Variants in TOPAZ1 observed in about 807,000 individuals in gnomAD.
TOPAZ1 encodes the protein protein TOPAZ1.
Under a neutral mutation model 172.2 loss-of-function variants are expected in TOPAZ1, and 66 were observed. The ratio of observed to expected loss-of-function variants is 0.38; its 90% CI spans 0.31 to 0.47. TOPAZ1 has a LOEUF of 0.47. Ranked by LOEUF, TOPAZ1 falls within the 20% of genes least tolerant of loss-of-function variation. The probability of loss-of-function intolerance (pLI) is 0.99; values close to 1 mark genes in which losing one functional copy is unlikely to be tolerated. For missense variants in TOPAZ1, 1,822 were observed against 1,972.4 expected, an observed-to-expected ratio of 0.92 and a Z score of 1.44; for synonymous variants, 681 against 683.9, an observed-to-expected ratio of 1.00 and a Z score of 0.07.
At chr3:44,283,456 C>T (rs1700044099) in intron 9 of TOPAZ1, among the ~76,000 whole-genome samples, 2 of 152,206 alleles carry the variant, frequency 1.3e-5, no homozygotes, top group Admixed American at 1.3e-4. Context: ...TACTCAGGCT[C>T]TACAGAGAGG....
At chr3:44,275,278 T>G (rs1208933844) in intron 8 of TOPAZ1, among the ~76,000 whole-genome samples, 1 of 152,004 alleles carries the variant, frequency 6.6e-6, no homozygotes, top group Non-Finnish European at 1.5e-5. Context: ...CATCCTACAC[T>G]GCTATCAAAC....
rs1699481698 is a variant in TOPAZ1 at position 44,241,997 on chromosome 3, G to A, written c.-57G>A. On this transcript the variant is annotated 5_prime_UTR_variant, in exon 1 of 20. Coordinates refer to ENST00000309765, the MANE Select transcript of TOPAZ1 (RefSeq NM_001145030.2). ...TCCAGGCGGGAGCAGCGTTTGCACC[G>A]CGGTGGGTTCCTGCGAGCTGGTGCA... 5 of 1,483,368 alleles carry A rather than the reference G, an allele frequency of 3.4e-6. No homozygotes were observed. Among genetic ancestry groups the A allele is most frequent in the East Asian group, 2.5e-5 (1 of 40,396 alleles). 91.9% of individuals were successfully genotyped at this position (1,483,368 alleles called of 1,614,324 possible).
intron 9 of TOPAZ1, among the ~76,000 whole-genome samples, chr3:44,285,241 T>C (rs563685260): frequency 9.2e-5 from 14 of 152,220 alleles, no homozygotes; most frequent in African/African-American, 3.1e-4. Context: ...GGTGGGTGGA[T>C]TGCTTGAGCC....
chr3:44,332,922 C>T (rs1575223105), downstream of TOPAZ1, among the ~76,000 whole-genome samples: 2 of 151,862 alleles, frequency 1.3e-5, no homozygotes, highest in East Asian at 3.9e-4. Flanking sequence ...TCTCAGCCTC[C>T]CATGTAGCTG....
intron 12 of TOPAZ1, among the ~76,000 whole-genome samples, chr3:44,302,641 G>T (rs563964278): frequency 2.0e-5 from 3 of 152,032 alleles, no homozygotes; most frequent in Non-Finnish European, 4.4e-5. Flanking sequence ...TAGTTTTTCA[G>T]TGTTTTCCTG....
At chr3:44,280,199 C>G (rs1468540532) in intron 8 of TOPAZ1, among the ~76,000 whole-genome samples, 1 of 151,714 alleles carries the variant, frequency 6.6e-6, no homozygotes, top group Non-Finnish European at 1.5e-5. Flanking sequence ...CTCTCCTGGT[C>G]TGTAAGGTTT....
chr3:44,272,376 A>G (rs1313404851), intron 8 of TOPAZ1, among the ~76,000 whole-genome samples: 1 of 152,154 alleles, frequency 6.6e-6, no homozygotes, highest in Admixed American at 6.5e-5. Context: ...GTATACAAAG[A>G]TTCCCTTTTC....
chr3:44,333,517 A>T (rs1042404169), downstream of TOPAZ1, among the ~76,000 whole-genome samples: 2 of 152,216 alleles, frequency 1.3e-5, no homozygotes, highest in Admixed American at 1.3e-4. Flanking sequence ...TTAGAGAAAT[A>T]TGTGACCACT....
At chr3:44,297,220 C>T (rs904486757) in intron 12 of TOPAZ1, among the ~76,000 whole-genome samples, 3 of 151,622 alleles carry the variant, frequency 2.0e-5, no homozygotes, top group African/African-American at 7.3e-5. Flanking sequence ...TATTATCTCT[C>T]CTGAGCTTTG....
At chr3:44,309,714 C>G in intron 15 of TOPAZ1, 111 bp from the exon 16 acceptor site, 1 of 758,064 alleles carries the variant, frequency 1.3e-6, no homozygotes. Context: ...TAACAGCCAG[C>G]AGTCTAGGAT....
rs1575735785 is a variant in TOPAZ1 at position 44,323,229 on chromosome 3, C to T, written c.4609C>T (p.Leu1537Phe). The T allele has an allele frequency of 6.4e-7, 1 of 1,550,680 alleles. No individual in the cohort carries two copies. Among genetic ancestry groups the T allele is most frequent in the East Asian group, 2.5e-5 (1 of 40,810 alleles). ...GAGCATCCCTATTGATTTTTCCTTT[C>T]TCAGAAGATTAATTACTTCTTTAGG... is the stretch of plus-strand genomic sequence containing the variant. ...SKSIPIDFSFLRRLITSLGRS... is the reference protein window; with the variant it reads ...SKSIPIDFSFFRRLITSLGRS... The change falls in exon 18 of 20, where the codon CTC becomes TTC. Residue 1537 changes from leucine (L) to phenylalanine (F), a missense_variant. By Grantham distance (22) the Leu-to-Phe change is conservative. This residue lies in a region of TOPAZ1 where 333 missense variants were observed against 481.7 expected (regional missense o/e 0.69). Coordinates refer to ENST00000309765, the MANE Select transcript of TOPAZ1 (RefSeq NM_001145030.2).
chr3:44,245,616 A>T (rs1699555968), intron 2 of TOPAZ1, among the ~76,000 whole-genome samples: 1 of 142,178 alleles, frequency 7.0e-6, no homozygotes, highest in Non-Finnish European at 1.5e-5. Flanking sequence ...AGCTCACTGC[A>T]AGCTCTGCCT....
intron 16 of TOPAZ1, 87 bp from the exon 17 acceptor site, chr3:44,320,938 CAA>C (rs1700500397): frequency 1.1e-6 from 1 of 883,920 alleles, no homozygotes; most frequent in Non-Finnish European, 1.7e-6. Context: ...CCTGTTTCTT[CAA>C]AAGATATATT....
intron 4 of TOPAZ1, among the ~76,000 whole-genome samples, chr3:44,260,142 C>G (rs1699759411): frequency 6.6e-6 from 1 of 152,178 alleles, no homozygotes; most frequent in African/African-American, 2.4e-5. Flanking sequence ...TTTCCTGAGG[C>G]CTCCCCAGCC....
At chr3:44,260,850 G>C (rs948226925) in intron 4 of TOPAZ1, among the ~76,000 whole-genome samples, 1 of 152,048 alleles carries the variant, frequency 6.6e-6, no homozygotes, top group Non-Finnish European at 1.5e-5. Context: ...CATATGGTGA[G>C]TTAGGAGCAC....
chr3:44,257,761 T>C (rs1013016070), intron 4 of TOPAZ1, among the ~76,000 whole-genome samples: 1 of 152,116 alleles, frequency 6.6e-6, no homozygotes, highest in African/African-American at 2.4e-5. Context: ...AGCAGGAATT[T>C]GATATTGATA....
At chr3:44,328,950 C>T (rs1700633468) in intron 19 of TOPAZ1, among the ~76,000 whole-genome samples, 1 of 152,084 alleles carries the variant, frequency 6.6e-6, no homozygotes, top group South Asian at 2.1e-4. Context: ...GTTTAGAATC[C>T]TAGAATTTAG....
At position 44,243,642 on chromosome 3, in the gene TOPAZ1, A is replaced by G. The variant is rs748247626; in HGVS notation, c.1136A>G (p.Asn379Ser). The G allele has an allele frequency of 1.5e-5, 24 of 1,549,954 alleles. No homozygotes were observed. The African/African-American group carries it at 3.0e-4, about 19-fold the overall frequency. Reference sequence around the variant, plus strand: ...GAAGCAGAGACTAAAAGTCCTTTAAATGTTTTGAGAAAAGTAAGCCATAAT... The same window carrying G: ...GAAGCAGAGACTAAAAGTCCTTTAAGTGTTTTGAGAAAAGTAAGCCATAAT... ...GKEAETKSPL[N>S]VLRKVSHNTV... The change falls in exon 2 of 20, where the codon AAT (asparagine) becomes AGT (serine). Residue 379 changes from asparagine (N) to serine (S), a missense_variant. By Grantham distance (46) the Asn-to-Ser change is conservative. This residue lies in a region of TOPAZ1 where 1,489 missense variants were observed against 1,490.8 expected (regional missense o/e 1.00). Transcript: ENST00000309765.
At chr3:44,296,847 C>CAAAAAAAAAAAAAAAACAAAAA (rs1700201557) in intron 12 of TOPAZ1, among the ~76,000 whole-genome samples, 1 of 104,776 alleles carries the variant, frequency 9.5e-6, no homozygotes, top group East Asian at 2.6e-4. Context: ...CAGAGAATAC[C>CAAAAAAAAAAAAAAAACAAAAA]AAAAAAAAAA....
Sources: gnomAD v4.1 joint callset for allele counts (sites outside exome capture counted in the v4.1 genomes callset) on GRCh38, gnomAD v4.1.1 for gene constraint, gnomAD v4.1.1 regional missense constraint, MANE v1.5 for transcripts, NCBI Gene and HGNC (gene_info 2026-07-23, HGNC 2026-07-21) for gene names.